The following CA10 variants were observed in gnomAD, a reference collection of about 807,000 sequenced individuals.
The protein encoded by CA10 is carbonic anhydrase 10 (inactive).
In CA10, 14 loss-of-function variants were observed where a neutral mutation model predicts 44.2. The ratio of observed to expected loss-of-function variants is 0.32; its 90% CI spans 0.21 to 0.50. The LOEUF (loss-of-function observed/expected upper bound fraction) is 0.50, where lower values mean the gene tolerates loss of function less well. CA10 is among the 20% of genes least tolerant of loss of function. CA10 has a pLI of 0.99. For missense variants in CA10, 350 were observed against 409.7 expected, an observed-to-expected ratio of 0.85 and a Z score of 1.26; for synonymous variants, 159 against 141.6, an observed-to-expected ratio of 1.12 and a Z score of -0.87.
At chr17:51,965,949 A>T (rs574663469) in intron 2 of CA10, among the ~76,000 whole-genome samples, 1 of 151,916 alleles carries the variant, frequency 6.6e-6, no homozygotes, top group Non-Finnish European at 1.5e-5. Flanking sequence ...GCTGATAATG[A>T]TTCTATACCT....
chr17:51,901,443 A>C (rs987239752), intron 3 of CA10, among the ~76,000 whole-genome samples: 4 of 152,028 alleles, frequency 2.6e-5, no homozygotes, highest in African/African-American at 9.7e-5. Flanking sequence ...TGCCAGCCAA[A>C]GTGTTTTGTT....
chr17:52,108,192 T>TATA (rs1555566967), intron 1 of CA10, among the ~76,000 whole-genome samples: 5 of 113,130 alleles, frequency 4.4e-5, no homozygotes, highest in South Asian at 2.7e-4. Flanking sequence ...TATATATATT[T>TATA]TTTATATATA....
In CA10 at chr17:52,099,941, G is replaced by T. The variant is rs577449754; in HGVS notation, c.62-27548C>A. Among the ~76,000 whole-genome samples, 3 of 152,326 alleles carry T rather than the reference G, an allele frequency of 2.0e-5. No homozygotes were observed. In the South Asian group the frequency reaches 6.2e-4, roughly 32 times the overall value. On this transcript the variant is annotated intron_variant, in intron 1 of 8. Coordinates refer to ENST00000451037, the MANE Select transcript of CA10 (RefSeq NM_020178.5). ...AGATTTGGCAATACATAGATCAGTG[G>T]TGACCTTGATGATAGTGGCCCTAGT...
rs148075916 is a variant in CA10 at position 51,855,279 on chromosome 17, T to C, written c.279+75711A>G. On this transcript the variant is annotated intron_variant, in intron 3 of 8. Coordinates refer to ENST00000451037, the MANE Select transcript of CA10 (RefSeq NM_020178.5). ...GTCCACAATGAGCATTTGATATATG[T>C]TGGTTCTTATTACTATACAGAAAAG... Among the ~76,000 whole-genome samples the C allele has an allele frequency of 2.6e-5, 4 of 152,280 alleles. No homozygotes were observed. In the East Asian group the frequency reaches 7.7e-4, roughly 29 times the overall value.
intron 3 of CA10, among the ~76,000 whole-genome samples, chr17:51,827,695 G>A (rs550360234): frequency 6.6e-6 from 1 of 152,300 alleles, no homozygotes; most frequent in African/African-American, 2.4e-5. Context: ...TAGACATAGA[G>A]TTAACACATC....
intron 2 of CA10, among the ~76,000 whole-genome samples, chr17:51,970,422 G>A (rs573322043): frequency 1.7e-4 from 26 of 152,072 alleles, no homozygotes; most frequent in African/African-American, 6.3e-4. Context: ...GGAATAAAAA[G>A]AGAATGGAAA....
At chr17:51,770,774 T>C (rs1011836523) in intron 3 of CA10, among the ~76,000 whole-genome samples, 1 of 151,958 alleles carries the variant, frequency 6.6e-6, no homozygotes, top group Non-Finnish European at 1.5e-5. Flanking sequence ...GCATCTCACA[T>C]GGCCAAGTGG....
At chr17:51,878,098 C>T (rs895954865) in intron 3 of CA10, among the ~76,000 whole-genome samples, 5 of 135,884 alleles carry the variant, frequency 3.7e-5, no homozygotes, top group South Asian at 2.3e-4. Flanking sequence ...GAGCCAAGAT[C>T]GCACCACTGC....
intron 1 of CA10, among the ~76,000 whole-genome samples, chr17:52,087,753 A>G (rs981301564): frequency 1.1e-4 from 16 of 152,216 alleles, no homozygotes; most frequent in Non-Finnish European, 1.8e-4. Flanking sequence ...AGAAAAATGA[A>G]AATACAACAT....
At chr17:51,902,134 C>T (rs147888233) in intron 3 of CA10, among the ~76,000 whole-genome samples, 24 of 152,156 alleles carry the variant, frequency 1.6e-4, no homozygotes, top group African/African-American at 4.3e-4. Context: ...AATAAACAGA[C>T]GATGTGCAAT....
At chr17:51,647,212 T>C (rs1367638343) in intron 6 of CA10, among the ~76,000 whole-genome samples, 1 of 152,180 alleles carries the variant, frequency 6.6e-6, no homozygotes, top group African/African-American at 2.4e-5. Context: ...CCACTCCCTC[T>C]GCCCCGTCAC....
chr17:51,639,546 C>T (rs1308623570), intron 6 of CA10, among the ~76,000 whole-genome samples: 3 of 152,144 alleles, frequency 2.0e-5, no homozygotes, highest in East Asian at 1.9e-4. Flanking sequence ...CCCCAGACTC[C>T]ATCCACTGAG....
intron 2 of CA10, among the ~76,000 whole-genome samples, chr17:52,006,563 T>G (rs1195075594): frequency 6.6e-6 from 1 of 151,720 alleles, no homozygotes; most frequent in Non-Finnish European, 1.5e-5. Context: ...AAAGCTGTTT[T>G]ATATCCTTTC....
At chr17:51,738,958 C>A (rs1904351659) in intron 4 of CA10, among the ~76,000 whole-genome samples, 1 of 152,126 alleles carries the variant, frequency 6.6e-6, no homozygotes, top group African/African-American at 2.4e-5. Flanking sequence ...CCCTTTCTGG[C>A]ATTTGATTTT....
intron 4 of CA10, among the ~76,000 whole-genome samples, chr17:51,681,282 A>G (rs1914836829): frequency 6.6e-6 from 1 of 152,236 alleles, no homozygotes. Flanking sequence ...TGGGGCCCTC[A>G]GGGGTGCCCT....
intron 2 of CA10, among the ~76,000 whole-genome samples, chr17:51,944,446 C>T (rs1983198986): frequency 6.6e-6 from 1 of 152,096 alleles, no homozygotes; most frequent in Admixed American, 6.5e-5. Flanking sequence ...ACGTAAGAAA[C>T]AATAAGCTGC....
intron 3 of CA10, among the ~76,000 whole-genome samples, chr17:51,790,626 A>T (rs1024916622): frequency 1.2e-4 from 18 of 152,236 alleles, no homozygotes; most frequent in African/African-American, 4.3e-4. Context: ...CCGTCTACTC[A>T]TCTTTACACT....
intron 4 of CA10, among the ~76,000 whole-genome samples, chr17:51,743,892 C>T (rs912134774): frequency 6.6e-6 from 1 of 152,204 alleles, no homozygotes; most frequent in African/African-American, 2.4e-5. Flanking sequence ...ACCCACATAA[C>T]AAACCTGCAT....
intron 4 of CA10, among the ~76,000 whole-genome samples, chr17:51,745,384 A>C (rs929728878): frequency 6.6e-6 from 1 of 152,148 alleles, no homozygotes. Flanking sequence ...TTCCCAGTTC[A>C]TTGTGATTTG....
Sources: gnomAD v4.1 joint callset for allele counts (sites outside exome capture counted in the v4.1 genomes callset) on GRCh38, gnomAD v4.1.1 for gene constraint, MANE v1.5 for transcripts, NCBI Gene and HGNC (gene_info 2026-07-23, HGNC 2026-07-21) for gene names.